ZNF37A: variants seen among roughly 807,000 people sequenced by gnomAD.
The protein encoded by ZNF37A is zinc finger protein 37A, also known as zinc finger protein 37a (KOX 21).
ZNF37A carries 10 observed loss-of-function variants against 12.3 expected under a neutral mutation model. The ratio of observed to expected loss-of-function variants is 0.82; its 90% CI spans 0.50 to 1.38. The LOEUF (loss-of-function observed/expected upper bound fraction) is 1.38, where lower values mean the gene tolerates loss of function less well. Among genes scored for constraint, ZNF37A ranks in the 40% most tolerant of loss-of-function variants. The pLI is 0.00. For synonymous variants in ZNF37A, 207 were observed against 223.0 expected, an observed-to-expected ratio of 0.93 and a Z score of 0.64; for missense variants, 580 against 651.2, an observed-to-expected ratio of 0.89 and a Z score of 1.19.
intron 5 of ZNF37A, among the ~76,000 whole-genome samples, chr10:38,114,442 A>C (rs1324253398): frequency 6.6e-6 from 1 of 152,148 alleles, no homozygotes; most frequent in Non-Finnish European, 1.5e-5. Context: ...TCCTTATGAG[A>C]AGATATGTTC....
rs780672922 is a variant in ZNF37A at position 38,118,241 on chromosome 10, T to C, written c.1090T>C (p.Phe364Leu). ...PYECHECGKTFSFKSVLTVHQ... is the reference protein window; with the variant it reads ...PYECHECGKTLSFKSVLTVHQ... ...TGAATGTCATGAATGTGGGAAAACC[T>C]TCTCATTTAAGTCAGTCCTTACTGT... is the stretch of plus-strand genomic sequence containing the variant. The change falls in exon 8 of 8, where the codon TTC becomes CTC. Residue 364 changes from phenylalanine to leucine, a missense_variant. Physicochemically the swap from Phe to Leu is conservative, Grantham distance 22. Transcript: ENST00000685332. 1 of 1,613,716 alleles carries C rather than the reference T, an allele frequency of 6.2e-7. No homozygotes were observed. The highest frequency in any genetic ancestry group is 8.5e-7 in the Non-Finnish European group (1 of 1,179,856).
At chr10:38,136,748 C>G (rs1473641957) in intron 7 of ZNF37A, among the ~76,000 whole-genome samples, 1 of 152,138 alleles carries the variant, frequency 6.6e-6, no homozygotes, top group African/African-American at 2.4e-5. Flanking sequence ...TTGCCCCAGT[C>G]TGTCTTCTCC....
At chr10:38,137,788 A>G (rs1182906338) in intron 7 of ZNF37A, 1 of 152,262 alleles carries the variant, frequency 6.6e-6, no homozygotes, top group African/African-American at 2.4e-5. Flanking sequence ...GCAAGTGTTC[A>G]AAATAAACTA....
intron 7 of ZNF37A, among the ~76,000 whole-genome samples, chr10:38,146,068 C>A (rs1225578918): frequency 6.6e-6 from 1 of 152,182 alleles, no homozygotes; most frequent in Non-Finnish European, 1.5e-5. Flanking sequence ...CCATTGCACT[C>A]CAGCCTGGGC....
In ZNF37A at chr10:38,117,261, T is replaced by A. The variant is rs1590905690; in HGVS notation, c.239-129T>A. 3.5e-6 allele frequency: 5 copies of A among 1,446,856 alleles called. No individual in the cohort carries two copies. The East Asian group carries it at 7.5e-5, about 22-fold the overall frequency. 89.6% of individuals were successfully genotyped at this position (1,446,856 alleles called of 1,614,324 possible). A position where few individuals can be genotyped will look rare whatever the true frequency, so the allele number is the denominator to read the frequency against. On this transcript the variant is annotated intron_variant, in intron 7 of 7. Transcript: ENST00000685332. ...GAAAAGAGGTATAAGACTGGAAGTG[T>A]GCACATTGTCATAACATAGGTATGA...
chr10:38,109,712 A>C (rs2068468471), intron 5 of ZNF37A, among the ~76,000 whole-genome samples: 1 of 152,220 alleles, frequency 6.6e-6, no homozygotes, highest in Non-Finnish European at 1.5e-5. Context: ...AAAAACAGAG[A>C]GCCAAATCAT....
chr10:38,116,853 A>C (rs1244683761), intron 7 of ZNF37A, among the ~76,000 whole-genome samples: 23 of 152,240 alleles, frequency 1.5e-4, no homozygotes, highest in Non-Finnish European at 3.1e-4. Context: ...TCATGCCTGT[A>C]ATCCCAGCAC....
chr10:38,101,559 T>C (rs2067574227), intron 5 of ZNF37A, among the ~76,000 whole-genome samples: 1 of 151,674 alleles, frequency 6.6e-6, no homozygotes, highest in Admixed American at 6.6e-5. Context: ...TTTCTATTTC[T>C]GTTACTATGT....
rs1337874732 is a variant in ZNF37A, at chr10:38,122,670, A to G, written c.*3833A>G. 1 of 152,224 alleles carries G rather than the reference A, an allele frequency of 6.6e-6. No individual in the cohort carries two copies. The highest frequency in any genetic ancestry group is 1.9e-4 in the East Asian group (1 of 5,196). The allele number at this position is 152,224 out of a possible 1,614,324, so 9.4% of individuals were successfully genotyped here. A position where few individuals can be genotyped will look rare whatever the true frequency, so the allele number is the denominator to read the frequency against. ...AGACCCCCATCTCTTAGCATATACAAAAATCAAAATTAATTAAAAAGTTAA... is the reference window on the plus strand; with the variant it reads ...AGACCCCCATCTCTTAGCATATACAGAAATCAAAATTAATTAAAAAGTTAA... On this transcript the variant is annotated 3_prime_UTR_variant, in exon 8 of 8. Coordinates refer to ENST00000685332, the MANE Select transcript of ZNF37A (RefSeq NM_001324250.3).
intron 7 of ZNF37A, chr10:38,139,776 A>G: frequency 6.6e-6 from 1 of 152,208 alleles, no homozygotes; most frequent in East Asian, 1.9e-4. Context: ...GGTGTCTCAA[A>G]ATTAATAATT....
chr10:38,109,695 A>G (rs948480423), intron 5 of ZNF37A, among the ~76,000 whole-genome samples: 1 of 152,216 alleles, frequency 6.6e-6, no homozygotes, highest in Non-Finnish European at 1.5e-5. Context: ...CTATACACCA[A>G]TAATAGAAAA....
downstream of ZNF37A, among the ~76,000 whole-genome samples, chr10:38,129,304 T>TAAAAAAAAAAAAAAAACAAAAAA (rs2069977890): frequency 1.8e-5 from 1 of 56,900 alleles, no homozygotes; most frequent in East Asian, 3.3e-4. Flanking sequence ...AGACTCTGTC[T>TAAAAAAAAAAAAAAAACAAAAAA]AAAAAAAAAA....
chr10:38,096,780 C>G (rs907123018), intron 5 of ZNF37A, 148 bp downstream of exon 5: 12 of 696,606 alleles, frequency 1.7e-5, no homozygotes, highest in Non-Finnish European at 2.5e-5. Context: ...TGCAGCCTGC[C>G]GCATGTTTTT....
chr10:38,123,223 G>T lies in ZNF37A; in HGVS notation c.*4386G>T, dbSNP rs1009460186. The T allele has an allele frequency of 6.6e-6, 1 of 152,116 alleles. No homozygotes were observed. The highest frequency in any genetic ancestry group is 6.6e-5 in the Admixed American group (1 of 15,260). The allele number at this position is 152,116 out of a possible 1,614,324, so 9.4% of individuals were successfully genotyped here. A position where few individuals can be genotyped will look rare whatever the true frequency, so the allele number is the denominator to read the frequency against. Reference sequence around the variant, plus strand: ...GAGGTCATGGATACCCATTTACCCTGATGTGTTTATACACATTTCATACCT... The same window carrying T: ...GAGGTCATGGATACCCATTTACCCTTATGTGTTTATACACATTTCATACCT... On this transcript the variant is annotated 3_prime_UTR_variant, in exon 8 of 8. Coordinates refer to ENST00000685332, the MANE Select transcript of ZNF37A (RefSeq NM_001324250.3).
intron 7 of ZNF37A, chr10:38,138,617 G>C (rs555793292): frequency 2.6e-5 from 4 of 152,178 alleles, no homozygotes; most frequent in African/African-American, 4.8e-5. Context: ...AATGGGGTGT[G>C]AGAATGTAAG....
At position 38,117,574 on chromosome 10, in the gene ZNF37A, T is replaced by C; in HGVS notation, c.423T>C (p.Asn141=). ...EDLIWHQKIK[N]WEQSFEYNEC... ...TCATTTGGCATCAGAAAATTAAAAA[T>C]TGGGAACAATCTTTTGAATACAATG... Residue 141 remains asparagine, a synonymous_variant, in exon 8 of 8, where the codon AAT becomes AAC. Transcript: ENST00000685332. 2 of 1,613,324 alleles carry C rather than the reference T, an allele frequency of 1.2e-6. No homozygotes were observed. The highest frequency in any genetic ancestry group is 1.7e-6 in the Non-Finnish European group (2 of 1,179,824).
At chr10:38,134,704 A>C (rs1002694176) in intron 7 of ZNF37A, among the ~76,000 whole-genome samples, 3 of 152,178 alleles carry the variant, frequency 2.0e-5, no homozygotes, top group African/African-American at 7.2e-5. Flanking sequence ...GTCGGCCCCT[A>C]CTGGGAGGTG....
chr10:38,131,675 T>G (rs2070029636), intron 7 of ZNF37A, among the ~76,000 whole-genome samples: 1 of 152,184 alleles, frequency 6.6e-6, no homozygotes, highest in Non-Finnish European at 1.5e-5. Context: ...TATATGAATT[T>G]GAAAATTAGC....
chr10:38,111,295 A>G (rs2474581), intron 5 of ZNF37A, among the ~76,000 whole-genome samples: 66,256 of 151,016 alleles, frequency 0.44, 14,765 homozygotes, highest in East Asian at 0.54. Context: ...AGAACACATG[A>G]ACACAGGAGG....
Sources: gnomAD v4.1 joint callset for allele counts (sites outside exome capture counted in the v4.1 genomes callset) on GRCh38, gnomAD v4.1.1 for gene constraint, MANE v1.5 for transcripts, NCBI Gene and HGNC (gene_info 2026-07-23, HGNC 2026-07-21) for gene names.